The following RBBP8 variants were observed in gnomAD, a reference collection of about 807,000 sequenced individuals.
RBBP8 encodes DNA endonuclease RBBP8.
A neutral mutation model predicts 108.3 loss-of-function variants in RBBP8; 88 were observed. The observed-to-expected ratio is 0.81, with a 90% CI of 0.68 to 0.97. The LOEUF (loss-of-function observed/expected upper bound fraction) is 0.97, where lower values mean the gene tolerates loss of function less well. Among genes scored for constraint, RBBP8 ranks in the 50% least tolerant of loss-of-function variants. The probability of loss-of-function intolerance (pLI) is 0.00; values close to 1 mark genes in which losing one functional copy is unlikely to be tolerated. For missense variants in RBBP8, 1,023 were observed against 1,049.0 expected (o/e 0.98, Z 0.34); for synonymous variants, 332 against 348.2 (o/e 0.95, Z 0.52).
At chr18:22,970,364 A>G (rs911608749) in intron 5 of RBBP8, among the ~76,000 whole-genome samples, 1 of 152,218 alleles carries the variant, frequency 6.6e-6, no homozygotes, top group Non-Finnish European at 1.5e-5. Context: ...AACTTTATCT[A>G]AAATAGAGCC....
Position 22,993,619 on chromosome 18 carries a change from A to T in RBBP8, c.1792A>T (p.Asn598Tyr), listed in dbSNP as rs1446137696. The change falls in exon 11 of 19, where the codon AAT becomes TAT. Residue 598 changes from asparagine (N) to tyrosine (Y), a missense_variant. Coordinates refer to ENST00000327155, the MANE Select transcript of RBBP8 (RefSeq NM_002894.3). ...LRPRESLETE[N>Y]VLDDIKSAGS... ...TCCACGTGAAAGTTTGGAGACTGAGAATGTTTTAGATGACATAAAGGTTTG... is the reference window on the plus strand; with the variant it reads ...TCCACGTGAAAGTTTGGAGACTGAGTATGTTTTAGATGACATAAAGGTTTG... The T allele has an allele frequency of 3.1e-6, 5 of 1,614,278 alleles. No homozygotes were observed. The highest frequency in any genetic ancestry group is 2.2e-5 in the South Asian group (2 of 91,086).
intron 18 of RBBP8, among the ~76,000 whole-genome samples, chr18:23,022,645 AT>A (rs1460635063): frequency 1.6e-3 from 72 of 45,114 alleles, no homozygotes; most frequent in African/African-American, 3.6e-3. Context: ...AATAAATAAA[AT>A]ACAATATAAA....
chr18:22,989,227 A>G lies in RBBP8; in HGVS notation c.716A>G (p.His239Arg). The change falls in exon 9 of 19, where the codon CAT becomes CGT. Residue 239 changes from histidine (H) to arginine (R), a missense_variant. Physicochemically the swap from His to Arg is conservative, Grantham distance 29 (BLOSUM62 0). Transcript: ENST00000327155. ...DQSQSPMAKAHGTSSYTPDKS... is the reference protein window; with the variant it reads ...DQSQSPMAKARGTSSYTPDKS... ...GTTTATTATTTATTCTTAGAAGCACATGGAACAAGCAGCTATACCCCTGAT... is the reference window on the plus strand; with the variant it reads ...GTTTATTATTTATTCTTAGAAGCACGTGGAACAAGCAGCTATACCCCTGAT... 14 of 1,603,796 alleles carry G rather than the reference A, an allele frequency of 8.7e-6. No homozygotes were observed. Among genetic ancestry groups the G allele is most frequent in the Non-Finnish European group, 1.2e-5 (14 of 1,171,220 alleles).
intron 3 of RBBP8, among the ~76,000 whole-genome samples, chr18:22,948,379 T>G (rs1218096820): frequency 6.6e-6 from 1 of 151,918 alleles, no homozygotes; most frequent in Non-Finnish European, 1.5e-5. Flanking sequence ...TTTTATTTAT[T>G]TATTTATTTA....
upstream of RBBP8, chr18:22,929,438 G>C (rs1282718211): frequency 6.6e-6 from 1 of 152,090 alleles, no homozygotes; most frequent in African/African-American, 2.5e-5. Flanking sequence ...GGACACAAAG[G>C]TGAGAAGCAA....
chr18:22,968,502 A>G (rs1567967229), intron 4 of RBBP8, among the ~76,000 whole-genome samples: 3 of 152,232 alleles, frequency 2.0e-5, no homozygotes, highest in Non-Finnish European at 4.4e-5. Flanking sequence ...ACCCCTTGGT[A>G]TTAGACTAGG....
chr18:22,982,262 A>G lies in RBBP8; in HGVS notation c.473A>G (p.Asp158Gly), dbSNP rs768424265. ...GCAGCTGAGCTTGAATGTGAGGAAGACGTTATTCCAGATTCACCGATAACA... is the reference window on the plus strand; with the variant it reads ...GCAGCTGAGCTTGAATGTGAGGAAGGCGTTATTCCAGATTCACCGATAACA... Reference protein sequence around the residue: ...HQAAELECEEDVIPDSPITAF... With the variant: ...HQAAELECEEGVIPDSPITAF... Residue 158 changes from aspartate (D) to glycine (G), a missense_variant, in exon 7 of 19, where the codon GAC (aspartate) becomes GGC (glycine). Coordinates refer to ENST00000327155, the MANE Select transcript of RBBP8 (RefSeq NM_002894.3). The G allele has an allele frequency of 6.2e-7, 1 of 1,614,160 alleles. No homozygotes were observed. Among genetic ancestry groups the G allele is most frequent in the Non-Finnish European group, 8.5e-7 (1 of 1,179,990 alleles).
At chr18:22,935,352 C>T (rs536233258) in intron 1 of RBBP8, among the ~76,000 whole-genome samples, 1 of 146,052 alleles carries the variant, frequency 6.8e-6, no homozygotes, top group South Asian at 2.2e-4. Flanking sequence ...GTAAATATCT[C>T]GGTAAATATC....
rs1489157717 is a variant in RBBP8 at position 22,993,202 on chromosome 18, A to G, written c.1375A>G (p.Ser459Gly). The G allele has an allele frequency of 2.5e-6, 4 of 1,614,226 alleles. No homozygotes were observed. The highest frequency in any genetic ancestry group is 2.5e-6 in the Non-Finnish European group (3 of 1,180,030). ...TGAGGAAGAAAGTGAACATGAAGTA[A>G]GCTGCCCCCAAGCTTCTTTTGATAA... ...KTEEESEHEV[S>G]CPQASFDKEN... The change falls in exon 11 of 19, where the codon AGC becomes GGC. Residue 459 changes from serine (S) to glycine (G), a missense_variant. Physicochemically the swap from Ser to Gly is moderately conservative, Grantham distance 56. Transcript: ENST00000327155.
At chr18:22,999,578 G>C (rs1427895772) in intron 14 of RBBP8, among the ~76,000 whole-genome samples, 7 of 152,034 alleles carry the variant, frequency 4.6e-5, no homozygotes, top group Admixed American at 3.9e-4. Context: ...GTGACACTCA[G>C]TGGGAGGAGT....
chr18:23,024,259 TA>T (rs2046420008), intron 18 of RBBP8, among the ~76,000 whole-genome samples: 1 of 152,098 alleles, frequency 6.6e-6, no homozygotes, highest in South Asian at 2.1e-4. Context: ...ATGTGGCACA[TA>T]TAGTTCAAAA....
chr18:23,004,351 T>C (rs1002256219), intron 15 of RBBP8, among the ~76,000 whole-genome samples: 1 of 152,076 alleles, frequency 6.6e-6, no homozygotes, highest in Non-Finnish European at 1.5e-5. Flanking sequence ...AACAAAATTC[T>C]GTCATTTGTG....
At chr18:22,991,121 T>A in intron 10 of RBBP8, 72 bp downstream of exon 10, 1 of 1,089,026 alleles carries the variant, frequency 9.2e-7, no homozygotes, top group Non-Finnish European at 1.4e-6. Flanking sequence ...TTCATATAAT[T>A]AAGCCATTTC....
intron 10 of RBBP8, among the ~76,000 whole-genome samples, chr18:22,992,065 T>C (rs1167357773): frequency 6.6e-6 from 1 of 152,240 alleles, no homozygotes; most frequent in African/African-American, 2.4e-5. Context: ...CTTACTGCTC[T>C]TTCTACGCAT....
intron 2 of RBBP8, among the ~76,000 whole-genome samples, chr18:22,938,788 CA>C (rs1337964315): frequency 6.6e-6 from 1 of 152,166 alleles, no homozygotes; most frequent in Non-Finnish European, 1.5e-5. Flanking sequence ...AGTCATTTGA[CA>C]AACCCGTAGC....
At chr18:22,915,871 T>TA (rs1445320095) in intron 2 of RBBP8, among the ~76,000 whole-genome samples, 1 of 152,136 alleles carries the variant, frequency 6.6e-6, no homozygotes, top group Non-Finnish European at 1.5e-5. Context: ...TATACATTTA[T>TA]ATAAAATCCA....
chr18:22,999,491 G>T (rs1212173789), intron 14 of RBBP8, among the ~76,000 whole-genome samples: 1 of 152,174 alleles, frequency 6.6e-6, no homozygotes, highest in African/African-American at 2.4e-5. Flanking sequence ...AGAAGCAGGT[G>T]ACATTTTTAT....
intron 6 of RBBP8, among the ~76,000 whole-genome samples, chr18:22,976,592 G>A (rs1399915097): frequency 1.3e-5 from 2 of 152,050 alleles, no homozygotes; most frequent in African/African-American, 4.8e-5. Context: ...GAGCTGTTAT[G>A]TAATTATGTA....
intron 4 of RBBP8, among the ~76,000 whole-genome samples, chr18:22,955,792 G>A (rs1912479571): frequency 6.6e-6 from 1 of 152,058 alleles, no homozygotes; most frequent in Admixed American, 6.6e-5. Context: ...GTGTTCGCCA[G>A]GATGGCCTCG....
Sources: allele counts gnomAD v4.1 joint callset (sites outside exome capture counted in the v4.1 genomes callset), GRCh38; gene constraint gnomAD v4.1.1; transcripts MANE v1.5; gene names NCBI Gene and HGNC (gene_info 2026-07-23, HGNC 2026-07-21).